The following CAMTA1 variants were observed in gnomAD, a reference collection of about 807,000 sequenced individuals.
CAMTA1 encodes calmodulin binding transcription activator 1, also known as calmodulin-binding transcription activator 1.
CAMTA1 carries 27 observed loss-of-function variants against 170.9 expected under a neutral mutation model. That is an observed-to-expected ratio of 0.16 (90% confidence interval 0.12 to 0.22). The LOEUF (loss-of-function observed/expected upper bound fraction) is 0.22, where lower values mean the gene tolerates loss of function less well. Among genes scored for constraint, CAMTA1 ranks in the 10% least tolerant of loss-of-function variants. CAMTA1 has a pLI of 1.00. For synonymous variants in CAMTA1, 833 were observed against 891.5 expected (o/e 0.93, Z 1.17); for missense variants, 1,619 against 2,217.2 (o/e 0.73, Z 5.42).
At chr1:6,857,928 C>A (rs1200639148) in intron 3 of CAMTA1, among the ~76,000 whole-genome samples, 2 of 152,130 alleles carry the variant, frequency 1.3e-5, no homozygotes, top group Non-Finnish European at 2.9e-5. Flanking sequence ...GGATTTGATG[C>A]CACTAGAATG....
chr1:6,963,791 G>A (rs1279057306), intron 3 of CAMTA1, among the ~76,000 whole-genome samples: 1 of 152,160 alleles, frequency 6.6e-6, no homozygotes, highest in East Asian at 1.9e-4. Flanking sequence ...GGTGGCGACC[G>A]TGCGAGCAGA....
chr1:7,152,223 C>T (rs1317574388), intron 4 of CAMTA1, among the ~76,000 whole-genome samples: 3 of 152,170 alleles, frequency 2.0e-5, no homozygotes, highest in African/African-American at 7.2e-5. Flanking sequence ...TGGGAAGAAT[C>T]CTGGGTAAGG....
intron 3 of CAMTA1, among the ~76,000 whole-genome samples, chr1:6,999,192 G>A (rs1050987420): frequency 6.6e-6 from 1 of 152,084 alleles, no homozygotes; most frequent in Non-Finnish European, 1.5e-5. Flanking sequence ...TTCTTGTTCT[G>A]GTTTGCCTCT....
intron 1 of CAMTA1, among the ~76,000 whole-genome samples, chr1:6,798,492 G>A (rs1643097796): frequency 6.6e-6 from 1 of 151,690 alleles, no homozygotes; most frequent in African/African-American, 2.4e-5. Context: ...AGAGTGCAGT[G>A]ATGCAAGCTC....
intron 6 of CAMTA1, among the ~76,000 whole-genome samples, chr1:7,584,960 T>C (rs1232881316): frequency 6.6e-6 from 1 of 152,224 alleles, no homozygotes; most frequent in Admixed American, 6.5e-5. Context: ...GACTTCAGAC[T>C]TTGCATTTTA....
chr1:7,112,382 G>A (rs1324469747), intron 4 of CAMTA1, among the ~76,000 whole-genome samples: 3 of 152,114 alleles, frequency 2.0e-5, no homozygotes, highest in South Asian at 4.1e-4. Context: ...AAAGAGCTTG[G>A]CCATTCCACC....
intron 3 of CAMTA1, among the ~76,000 whole-genome samples, chr1:6,958,095 C>T (rs1031832377): frequency 6.6e-6 from 1 of 152,212 alleles, no homozygotes; most frequent in Non-Finnish European, 1.5e-5. Flanking sequence ...TACCCCATGG[C>T]TTCCCAGACT....
At chr1:7,457,230 C>T (rs1010746544) in intron 5 of CAMTA1, among the ~76,000 whole-genome samples, 1 of 152,010 alleles carries the variant, frequency 6.6e-6, no homozygotes, top group Non-Finnish European at 1.5e-5. Context: ...TCTTGGAACC[C>T]CCAAAAACAA....
chr1:7,748,950 AT>A lies in CAMTA1; in HGVS notation c.4689+1172del, dbSNP rs1423380777. ...CCCATCTCATTTCCTTTTTACAATT[AT>A]TTGAAGTAAGCAGTATTTATTTCCA... On this transcript the variant is annotated intron_variant, in intron 19 of 22. Coordinates refer to ENST00000303635, the MANE Select transcript of CAMTA1 (RefSeq NM_015215.4). This position sits in a 1 kb window ranked among gnomAD's most constrained non-coding sequence, Gnocchi z 4.7. 2.0e-5 allele frequency among the ~76,000 whole-genome samples: 3 copies of A among 152,178 alleles called. No individual in the cohort carries two copies. The highest frequency in any genetic ancestry group is 4.4e-5 in the Non-Finnish European group (3 of 68,024).
intron 5 of CAMTA1, among the ~76,000 whole-genome samples, chr1:7,310,643 T>C (rs867459539): frequency 1.0e-4 from 3 of 29,420 alleles, no homozygotes; most frequent in African/African-American, 2.6e-4. Context: ...TTTCTTTCTT[T>C]CTTTTTTCTT....
intron 22 of CAMTA1, among the ~76,000 whole-genome samples, chr1:7,759,003 C>T (rs996009505): frequency 7.7e-5 from 11 of 143,124 alleles, no homozygotes; most frequent in Non-Finnish European, 1.7e-4. Context: ...ATATTTAAAA[C>T]ATGGTTTATA....
intron 11 of CAMTA1, among the ~76,000 whole-genome samples, chr1:7,724,759 G>A (rs766521272): frequency 9.6e-4 from 143 of 148,594 alleles, no homozygotes; most frequent in Non-Finnish European, 1.2e-3. Context: ...GGAGGCGGAG[G>A]TTGCAGTGAG....
rs375098490 is a variant in CAMTA1 at position 7,044,369 on chromosome 1, C to G, written c.235-46935C>G. ...ACTCAGAGCAGTGCCGCTGGGGACC[C>G]TGGGGACTCACAGCAGTACTGCTGG... On this transcript the variant is annotated intron_variant, in intron 3 of 22. Coordinates refer to ENST00000303635, the MANE Select transcript of CAMTA1 (RefSeq NM_015215.4). The surrounding 1 kb of genome is among the most constrained non-coding windows in gnomAD (Gnocchi z 5.0). Among the ~76,000 whole-genome samples, 89 of 152,058 alleles carry G rather than the reference C, an allele frequency of 5.9e-4. No homozygotes were observed. The highest frequency in any genetic ancestry group is 9.3e-4 in the Non-Finnish European group (63 of 67,922).
Position 6,928,904 on chromosome 1 carries a change from T to C in CAMTA1, c.234+103694T>C, listed in dbSNP as rs113910061. Among the ~76,000 whole-genome samples the C allele has an allele frequency of 9.8e-5, 15 of 152,342 alleles. 1 individual carries two copies. The highest frequency in any genetic ancestry group is 2.6e-4 in the African/African-American group (11 of 41,590). ...AGACCACGTCCATCTGCATCTACCATGTTCACTGTTGTTTACTTAGCACTT... is the reference window on the plus strand; with the variant it reads ...AGACCACGTCCATCTGCATCTACCACGTTCACTGTTGTTTACTTAGCACTT... On this transcript the variant is annotated intron_variant, in intron 3 of 22. Transcript: ENST00000303635.
intron 7 of CAMTA1, among the ~76,000 whole-genome samples, chr1:7,649,664 A>G (rs2095835633): frequency 6.6e-6 from 1 of 152,222 alleles, no homozygotes; most frequent in Non-Finnish European, 1.5e-5. Flanking sequence ...CCGGCCCCCA[A>G]GGAGGACTGG....
intron 4 of CAMTA1, among the ~76,000 whole-genome samples, chr1:7,156,119 C>T (rs113270398): frequency 1.5e-5 from 2 of 134,788 alleles, no homozygotes; most frequent in African/African-American, 5.3e-5. Context: ...ACAAAAAATA[C>T]AAAAAAAAAA....
chr1:7,283,342 C>A (rs1442263727), intron 5 of CAMTA1, among the ~76,000 whole-genome samples: 3 of 152,186 alleles, frequency 2.0e-5, no homozygotes, highest in African/African-American at 7.2e-5. Flanking sequence ...CTGTGGTCAG[C>A]CCTCCTCAAG....
chr1:6,886,646 T>G (rs923198680), intron 3 of CAMTA1, among the ~76,000 whole-genome samples: 12 of 152,232 alleles, frequency 7.9e-5, no homozygotes, highest in Non-Finnish European at 1.6e-4. Flanking sequence ...TTGAGGTTTG[T>G]TTGGAAATCA....
In CAMTA1 at chr1:6,926,412, TCTTTTCTTTTCTCTTTC is replaced by T. The variant is rs1401409177; in HGVS notation, c.234+101203_234+101219del. 8.0e-3 allele frequency among the ~76,000 whole-genome samples: 1,181 copies of T among 146,944 alleles called. 14 individuals are homozygous for T. Among genetic ancestry groups the T allele is most frequent in the African/African-American group, 0.012 (469 of 39,658 alleles). On this transcript the variant is annotated intron_variant, in intron 3 of 22. Transcript: ENST00000303635. ...TCTTCCTTCCTCCCTCCCTCCTCTC[TCTTTTCTTTTCTCTTTC>T]TTTCTTTTCTCTTTCTTTCTTTCTT...
Sources: gnomAD v4.1 joint callset for allele counts (sites outside exome capture counted in the v4.1 genomes callset) on GRCh38, gnomAD v4.1.1 for gene constraint, Gnocchi (gnomAD v3.1) non-coding constraint, MANE v1.5 for transcripts, NCBI Gene and HGNC (gene_info 2026-07-23, HGNC 2026-07-21) for gene names.